CCDC88A: variants seen among roughly 807,000 people sequenced by gnomAD.
The protein encoded by CCDC88A is coiled-coil and HOOK domain protein 88A.
CCDC88A carries 54 observed loss-of-function variants against 234.3 expected under a neutral mutation model. That is an observed-to-expected ratio of 0.23 (90% CI 0.19 to 0.29). The LOEUF is 0.29. CCDC88A is among the 10% of genes least tolerant of loss of function. The probability of loss-of-function intolerance (pLI) is 1.00; values close to 1 mark genes in which losing one functional copy is unlikely to be tolerated. For synonymous variants in CCDC88A, 753 were observed against 737.8 expected, an observed-to-expected ratio of 1.02 and a Z score of -0.33; for missense variants, 1,832 against 2,123.4, an observed-to-expected ratio of 0.86 and a Z score of 2.70.
chr2:55,328,394 T>A lies in CCDC88A; in HGVS notation c.2897A>T (p.Lys966Met), dbSNP rs1684511934. Reference protein sequence around the residue: ...LLESKLESTLKKSLEIKEEKI... With the variant: ...LLESKLESTLMKSLEIKEEKI... ...TTCTTCTTTTATTTCAAGAGACTTC[T>A]TAAGAGTGGATTCTAATTTTGATTC... Residue 966 changes from lysine to methionine, a missense_variant, in exon 17 of 33, where the codon AAG becomes ATG. Physicochemically the swap from Lys to Met is moderately conservative, Grantham distance 95 (BLOSUM62 -1). Transcript: ENST00000436346. This position sits in a 1 kb window ranked among gnomAD's most constrained non-coding sequence, Gnocchi z 4.3. 1 of 1,590,658 alleles carries A rather than the reference T, an allele frequency of 6.3e-7. No homozygotes were observed. Among genetic ancestry groups the A allele is most frequent in the Non-Finnish European group, 8.6e-7 (1 of 1,167,680 alleles).
chr2:55,367,811 G>A (rs778069273), intron 5 of CCDC88A, among the ~76,000 whole-genome samples: 1 of 152,000 alleles, frequency 6.6e-6, no homozygotes, highest in Admixed American at 6.6e-5. Context: ...ACTAACGGTA[G>A]ATTCCTTCTA....
chr2:55,294,566 C>T (rs576358196), intron 31 of CCDC88A: 93 of 983,450 alleles, frequency 9.5e-5, no homozygotes, highest in Non-Finnish European at 1.1e-4. Flanking sequence ...TTACATTTTC[C>T]CTACTGATAC....
chr2:55,416,156 CAG>C (rs1204069759), intron 2 of CCDC88A, among the ~76,000 whole-genome samples: 2 of 151,520 alleles, frequency 1.3e-5, no homozygotes, highest in African/African-American at 4.9e-5. Context: ...AGAGAAAAGA[CAG>C]AGCATGAAAA....
chr2:55,384,994 CACA>C (rs755474959), intron 3 of CCDC88A, among the ~76,000 whole-genome samples: 9 of 151,964 alleles, frequency 5.9e-5, no homozygotes, highest in Admixed American at 5.9e-4. Flanking sequence ...GGGTTGGTTG[CACA>C]ACAAGCAACA....
intron 2 of CCDC88A, among the ~76,000 whole-genome samples, chr2:55,392,223 C>G (rs542778536): frequency 8.5e-5 from 13 of 152,290 alleles, no homozygotes; most frequent in African/African-American, 3.1e-4. Context: ...ACAGCACCAC[C>G]TTAACAACTA....
intron 12 of CCDC88A, among the ~76,000 whole-genome samples, chr2:55,340,582 T>C (rs1330809347): frequency 6.6e-6 from 1 of 152,226 alleles, no homozygotes; most frequent in Non-Finnish European, 1.5e-5. Flanking sequence ...ATTAAAAGAT[T>C]ATTTAAATTT....
intron 2 of CCDC88A, among the ~76,000 whole-genome samples, chr2:55,409,043 CAT>C (rs1359587383): frequency 6.6e-6 from 1 of 151,258 alleles, no homozygotes; most frequent in Non-Finnish European, 1.5e-5. Flanking sequence ...AGCAGCTAAG[CAT>C]TACTGGTTAC....
chr2:55,419,321 T>C lies in CCDC88A; in HGVS notation c.-242A>G. 2.0e-6 allele frequency: 1 copy of C among 492,258 alleles called. No individual in the cohort carries two copies. The highest frequency in any genetic ancestry group is 2.3e-5 in the South Asian group (1 of 42,760). The allele number at this position is 492,258 out of a possible 1,614,324, so 30.5% of individuals were successfully genotyped here. On this transcript the variant is annotated 5_prime_UTR_variant, in exon 1 of 33. Coordinates refer to ENST00000436346, the MANE Select transcript of CCDC88A (RefSeq NM_001365480.1). ...AGCAGCAGCCTGCGCTGGAAATGTC[T>C]GTACCGGGCGAGGAGGGGCAGAGAA...
chr2:55,406,830 C>T (rs1679671130), intron 2 of CCDC88A, among the ~76,000 whole-genome samples: 1 of 152,096 alleles, frequency 6.6e-6, no homozygotes, highest in South Asian at 2.1e-4. Flanking sequence ...TCCTTCACCA[C>T]CCAGGGAAAG....
chr2:55,353,649 C>CA (rs34022778), intron 8 of CCDC88A, among the ~76,000 whole-genome samples: 3,317 of 76,842 alleles, frequency 0.043, 80 homozygotes, highest in South Asian at 0.091. Flanking sequence ...GAAACCAAAC[C>CA]AAAAAAAAAA....
At position 55,309,096 on chromosome 2, in the gene CCDC88A, AC is replaced by A; in HGVS notation, c.4172+65del. ...ATCCTTCACAAAAGTAGAAGTCATCACAATATTAGAAATAACCTAGTGTTTT... is the reference window on the plus strand; with the variant it reads ...ATCCTTCACAAAAGTAGAAGTCATCAAATATTAGAAATAACCTAGTGTTTT... On this transcript the variant is annotated intron_variant, in intron 24 of 32. Transcript: ENST00000436346. The surrounding 1 kb of genome is among the most constrained non-coding windows in gnomAD (Gnocchi z 5.1). 2 of 1,450,684 alleles carry A rather than the reference AC, an allele frequency of 1.4e-6. No individual in the cohort carries two copies. The highest frequency in any genetic ancestry group is 1.9e-6 in the Non-Finnish European group (2 of 1,039,862). 89.9% of individuals were successfully genotyped at this position (1,450,684 alleles called of 1,614,324 possible).
At chr2:55,372,374 T>A in intron 5 of CCDC88A, 78 bp downstream of exon 5, 1 of 709,086 alleles carries the variant, frequency 1.4e-6, no homozygotes, top group East Asian at 2.7e-5. Context: ...CATCCTTAAG[T>A]CTTTCAGAAA....
Position 55,357,665 on chromosome 2 carries a change from T to C in CCDC88A, c.628-1914A>G, listed in dbSNP as rs544824139. 2.0e-5 allele frequency among the ~76,000 whole-genome samples: 3 copies of C among 152,320 alleles called. No homozygotes were observed. In the East Asian group the frequency reaches 5.8e-4, roughly 29 times the overall value. On this transcript the variant is annotated intron_variant, in intron 7 of 32. Transcript: ENST00000436346. ...CCTTGGGATCATGAAATAAGCATCC[T>C]TGCTTTATTTCTCATCGCCAAGTCT...
rs756015944 is a variant in CCDC88A at position 55,355,654 on chromosome 2, C to T, written c.725G>A (p.Arg242Gln). 43 of 1,613,912 alleles carry T rather than the reference C, an allele frequency of 2.7e-5. No individual in the cohort carries two copies. The highest frequency in any genetic ancestry group is 3.1e-5 in the Non-Finnish European group (36 of 1,179,950). Residue 242 changes from arginine (R) to glutamine (Q), a missense_variant, in exon 8 of 33, where the codon CGA becomes CAA. Arg to Gln is a conservative substitution (Grantham distance 43). Around this residue, in one of 6 missense-constraint regions of CCDC88A, gnomAD observed 1,282 missense variants for 1,543.6 expected, o/e 0.83. Transcript: ENST00000436346. ...CGACAGATGTTGTCGACTTTCTGTT[C>T]GCTTCATGCCTGGAGAACCACAGGG... ...QSPCGSPGMKRTESRQHLSVE... is the reference protein window; with the variant it reads ...QSPCGSPGMKQTESRQHLSVE...
rs1242538982 is a variant in CCDC88A at position 55,335,998 on chromosome 2, G to C, written c.1656+683C>G. On this transcript the variant is annotated intron_variant, in intron 14 of 32. Transcript: ENST00000436346. The surrounding 1 kb of genome is among the most constrained non-coding windows in gnomAD (Gnocchi z 4.5). ...ACTTCAGCTCAGGGGTTTGAGACCA[G>C]CCTGGGGAGCATAGTGATACTTTGT... 1.3e-5 allele frequency among the ~76,000 whole-genome samples: 2 copies of C among 151,900 alleles called. No homozygotes were observed. Among genetic ancestry groups the C allele is most frequent in the African/African-American group, 4.8e-5 (2 of 41,310 alleles).
At chr2:55,416,694 C>T (rs1178992447) in intron 2 of CCDC88A, among the ~76,000 whole-genome samples, 3 of 151,028 alleles carry the variant, frequency 2.0e-5, no homozygotes, top group Non-Finnish European at 3.0e-5. Context: ...TTTACATTTA[C>T]TAGGTATAGA....
At chr2:55,370,171 A>G (rs1672606868) in intron 5 of CCDC88A, among the ~76,000 whole-genome samples, 1 of 152,224 alleles carries the variant, frequency 6.6e-6, no homozygotes, top group Non-Finnish European at 1.5e-5. Context: ...ATATATATAA[A>G]GATGGGTCTT....
chr2:55,384,520 TA>T (rs1675137920), intron 3 of CCDC88A, among the ~76,000 whole-genome samples: 1 of 14,078 alleles, frequency 7.1e-5, no homozygotes, highest in Non-Finnish European at 1.4e-4. Context: ...ATATATAAAT[TA>T]TATATATATA....
chr2:55,333,779 T>G (rs557251079), intron 15 of CCDC88A, among the ~76,000 whole-genome samples: 2 of 152,246 alleles, frequency 1.3e-5, no homozygotes, highest in South Asian at 4.1e-4. Context: ...CTATCATGCT[T>G]CTTTATTATA....
Sources: gnomAD v4.1 joint callset for allele counts (sites outside exome capture counted in the v4.1 genomes callset) on GRCh38, gnomAD v4.1.1 for gene constraint, gnomAD v4.1.1 regional missense constraint, Gnocchi (gnomAD v3.1) non-coding constraint, MANE v1.5 for transcripts, NCBI Gene and HGNC (gene_info 2026-07-23, HGNC 2026-07-21) for gene names.